SERPINI2: variants seen among roughly 807,000 people sequenced by gnomAD.
The protein encoded by SERPINI2 is serpin family I member 2, also known as serpin I2.
Under a neutral mutation model 47.3 loss-of-function variants are expected in SERPINI2, and 48 were observed. The observed-to-expected ratio is 1.02, with a 90% CI of 0.81 to 1.29. The LOEUF is 1.29. Ranked by LOEUF, SERPINI2 falls within the 50% of genes most tolerant of loss-of-function variation. The pLI, the probability that SERPINI2 is intolerant of heterozygous loss-of-function variation, is 0.00. For synonymous variants in SERPINI2, 135 were observed against 149.3 expected (o/e 0.90, Z 0.70); for missense variants, 448 against 456.9 (o/e 0.98, Z 0.18).
At chr3:167,463,671 C>T (rs867163499) in intron 5 of SERPINI2, among the ~76,000 whole-genome samples, 19 of 151,950 alleles carry the variant, frequency 1.3e-4, no homozygotes, top group Non-Finnish European at 1.3e-4. Flanking sequence ...TCCACAATAT[C>T]AAAGAAGGTA....
chr3:167,446,404 G>A (rs755578934), exon 8 of SERPINI2: 9 of 1,605,018 alleles, frequency 5.6e-6, no homozygotes, highest in Middle Eastern at 1.6e-4. Flanking sequence ...GTTGGATTAT[G>A]CTTCATAATA....
rs537703531 is a variant in SERPINI2 at position 167,454,005 on chromosome 3, C to T, written c.867-972G>A. On this transcript the variant is annotated intron_variant, in intron 5 of 8. Coordinates refer to ENST00000264677, the Ensembl canonical transcript of SERPINI2. ...ACATGTAATAATCTTAAACAGGGAGCTATATATATTTCCTACATCAGCAAA... is the reference window on the plus strand; with the variant it reads ...ACATGTAATAATCTTAAACAGGGAGTTATATATATTTCCTACATCAGCAAA... Among the ~76,000 whole-genome samples the T allele has an allele frequency of 1.3e-5, 2 of 152,160 alleles. 1 individual carries two copies. The highest frequency in any genetic ancestry group is 4.1e-4 in the South Asian group (2 of 4,826).
At chr3:167,457,538 T>G (rs1024306389) in intron 5 of SERPINI2, among the ~76,000 whole-genome samples, 1 of 152,256 alleles carries the variant, frequency 6.6e-6, no homozygotes, top group Non-Finnish European at 1.5e-5. Context: ...ATGTCCGAGT[T>G]GTTGCAGTGG....
intron 5 of SERPINI2, among the ~76,000 whole-genome samples, chr3:167,461,634 A>G (rs1749984860): frequency 1.3e-5 from 2 of 150,422 alleles, no homozygotes; most frequent in Non-Finnish European, 3.0e-5. Context: ...TTTTGGAGAT[A>G]GGGTCTCGCT....
At chr3:167,445,626 T>G (rs1287277860) in intron 8 of SERPINI2, among the ~76,000 whole-genome samples, 1 of 152,210 alleles carries the variant, frequency 6.6e-6, no homozygotes, top group Non-Finnish European at 1.5e-5. Context: ...AATACAGAGA[T>G]GAGTAAAATA....
intron 5 of SERPINI2, among the ~76,000 whole-genome samples, chr3:167,463,303 T>C (rs1449162848): frequency 6.6e-6 from 1 of 152,060 alleles, no homozygotes; most frequent in African/African-American, 2.4e-5. Context: ...CTAAAAAAAA[T>C]ATTCTTTGAA....
chr3:167,444,464 A>G (rs1749414615), intron 8 of SERPINI2, among the ~76,000 whole-genome samples: 1 of 152,200 alleles, frequency 6.6e-6, no homozygotes, highest in African/African-American at 2.4e-5. Flanking sequence ...TACTTCAGAA[A>G]TCATCAACAG....
chr3:167,453,009 G>A (rs769467493), exon 6 of SERPINI2: 2 of 1,593,042 alleles, frequency 1.3e-6, no homozygotes, highest in South Asian at 2.3e-5. Flanking sequence ...CGTCTTTGAA[G>A]TCTACTTTTT....
intron 5 of SERPINI2, among the ~76,000 whole-genome samples, chr3:167,453,267 AT>A (rs146628314): frequency 2.6e-5 from 4 of 151,302 alleles, no homozygotes; most frequent in Admixed American, 6.6e-5. Context: ...CAGAAATTGC[AT>A]TTTTTTTTGA....
At chr3:167,456,477 A>G (rs1361487880) in intron 5 of SERPINI2, among the ~76,000 whole-genome samples, 1 of 152,176 alleles carries the variant, frequency 6.6e-6, no homozygotes, top group Non-Finnish European at 1.5e-5. Flanking sequence ...AGCCAGCAAA[A>G]AGATGATCAT....
At chr3:167,475,459 T>A (rs1250538893), upstream of SERPINI2, among the ~76,000 whole-genome samples, 1 of 151,754 alleles carries the variant, frequency 6.6e-6, no homozygotes, top group African/African-American at 2.4e-5. Flanking sequence ...TTCCTACCAA[T>A]GGCAGAGACC....
chr3:167,476,466 G>A (rs961626145), upstream of SERPINI2, among the ~76,000 whole-genome samples: 1 of 151,952 alleles, frequency 6.6e-6, no homozygotes, highest in African/African-American at 2.4e-5. Flanking sequence ...TACAGAAGAA[G>A]CCCTGATGTT....
chr3:167,464,176 G>C (rs1750066078), intron 5 of SERPINI2, among the ~76,000 whole-genome samples: 1 of 151,938 alleles, frequency 6.6e-6, no homozygotes, highest in African/African-American at 2.4e-5. Flanking sequence ...ACCATGCCCA[G>C]CTAATTTTGG....
At chr3:167,442,472 A>G (rs1438308597) in intron 8 of SERPINI2, among the ~76,000 whole-genome samples, 1 of 152,212 alleles carries the variant, frequency 6.6e-6, no homozygotes, top group Non-Finnish European at 1.5e-5. Flanking sequence ...AGTGACAGAG[A>G]GGTGTTCTTC....
rs1348965489 is a variant in SERPINI2, at chr3:167,470,561, T to G, written c.247+1027A>C. Among the ~76,000 whole-genome samples the G allele has an allele frequency of 1.3e-4, 17 of 130,760 alleles. 1 individual carries two copies. The highest frequency in any genetic ancestry group is 4.8e-4 in the African/African-American group (16 of 33,072). The allele number at this position is 130,760 out of a possible 152,430, so 85.8% of individuals were successfully genotyped here. On this transcript the variant is annotated intron_variant, in intron 2 of 8. Transcript: ENST00000264677. The stretch of plus-strand genomic sequence containing the variant: ...GAGATGAGCAACAACTTTTTTTTTT[T>G]TTTTTTTTTTTTTTTTTTGGAGAAG...
At chr3:167,444,380 G>C (rs375736013) in intron 8 of SERPINI2, among the ~76,000 whole-genome samples, 9 of 152,200 alleles carry the variant, frequency 5.9e-5, no homozygotes, top group African/African-American at 1.9e-4. Flanking sequence ...TGCACAAAAG[G>C]ACTGTTTGGA....
At chr3:167,458,463 G>A (rs1316786999) in intron 5 of SERPINI2, among the ~76,000 whole-genome samples, 3 of 149,310 alleles carry the variant, frequency 2.0e-5, no homozygotes, top group East Asian at 3.9e-4. Flanking sequence ...GGGGTTTAAC[G>A]GTGTGAGCCA....
intron 7 of SERPINI2, among the ~76,000 whole-genome samples, chr3:167,448,894 C>T (rs1749560600): frequency 6.6e-6 from 1 of 152,050 alleles, no homozygotes; most frequent in African/African-American, 2.4e-5. Flanking sequence ...GCCACTGCCA[C>T]AGAGATAATA....
chr3:167,471,978 A>G lies in SERPINI2; in HGVS notation c.-10-134T>C, dbSNP rs1750340757. On this transcript the variant is annotated intron_variant, in intron 1 of 8. Transcript: ENST00000264677. ...TACCACAAGTGAACTCTATCCAATT[A>G]GATTTCTAAGTATCATCTATTCAGA... 3 of 612,648 alleles carry G rather than the reference A, an allele frequency of 4.9e-6. No homozygotes were observed. In the Admixed American group the frequency reaches 8.6e-5, roughly 18 times the overall value. 38.0% of individuals were successfully genotyped at this position (612,648 alleles called of 1,614,324 possible). A position where few individuals can be genotyped will look rare whatever the true frequency, so the allele number is the denominator to read the frequency against.
Sources: gnomAD v4.1 joint callset for allele counts (sites outside exome capture counted in the v4.1 genomes callset) on GRCh38, gnomAD v4.1.1 for gene constraint, MANE v1.5 for transcripts, NCBI Gene and HGNC (gene_info 2026-07-23, HGNC 2026-07-21) for gene names.